Variants in PAAF1 observed in about 807,000 individuals in gnomAD.
The protein encoded by PAAF1 is proteasomal ATPase-associated factor 1.
In PAAF1, 46 loss-of-function variants were observed where a neutral mutation model predicts 52.8. The ratio of observed to expected loss-of-function variants is 0.87; its 90% CI spans 0.69 to 1.11. The LOEUF is 1.11. Ranked by LOEUF, PAAF1 falls within the 50% of genes most tolerant of loss-of-function variation. The pLI is 0.00. For synonymous variants in PAAF1, 178 were observed against 172.8 expected (o/e 1.03, Z -0.24); for missense variants, 424 against 477.4 (o/e 0.89, Z 1.04).
chr11:73,918,981 G>A lies in PAAF1; in HGVS notation c.967G>A (p.Ala323Thr), dbSNP rs1227279982. Residue 323 changes from alanine (A) to threonine (T), a missense_variant, in exon 10 of 12, where the codon GCA (alanine) becomes ACA (threonine). By Grantham distance (58) the Ala-to-Thr change is moderately conservative. Coordinates refer to ENST00000310571, the MANE Select transcript of PAAF1 (RefSeq NM_025155.3). ...GGTACAAGTCATCCACAGATCAGGAGCACCAGTTCTATCCCTGCTAAGTGT... is the reference window on the plus strand; with the variant it reads ...GGTACAAGTCATCCACAGATCAGGAACACCAGTTCTATCCCTGCTAAGTGT... ...APVQVIHRSG[A>T]PVLSLLSVRD... 2 of 1,613,974 alleles carry A rather than the reference G, an allele frequency of 1.2e-6. No individual in the cohort carries two copies. Among genetic ancestry groups the A allele is most frequent in the Admixed American group, 3.3e-5 (2 of 59,938 alleles).
intron 2 of PAAF1, chr11:73,887,005 G>C (rs990950073): frequency 2.2e-6 from 1 of 451,014 alleles, no homozygotes; most frequent in Non-Finnish European, 4.4e-6. Context: ...TGCATACACT[G>C]GCTCCCCTTC....
At chr11:73,892,325 CAAAAA>C (rs150332375) in intron 4 of PAAF1, among the ~76,000 whole-genome samples, 2 of 81,808 alleles carry the variant, frequency 2.4e-5, no homozygotes, top group Non-Finnish European at 2.6e-5. Flanking sequence ...ACTGTCTCAC[CAAAAA>C]AAAAAAAAAA....
chr11:73,893,693 C>T (rs993419664), intron 4 of PAAF1, among the ~76,000 whole-genome samples: 19 of 137,534 alleles, frequency 1.4e-4, no homozygotes, highest in African/African-American at 4.2e-4. Flanking sequence ...GCCAAGATTG[C>T]GCCATTGCAC....
At chr11:73,896,907 G>A (rs1327047546) in intron 4 of PAAF1, among the ~76,000 whole-genome samples, 2 of 150,786 alleles carry the variant, frequency 1.3e-5, no homozygotes, top group East Asian at 4.0e-4. Flanking sequence ...CCCGGACGGG[G>A]CGGCTGGCCG....
At chr11:73,914,534 C>T in intron 8 of PAAF1, 30 bp downstream of exon 8, 1 of 1,574,324 alleles carries the variant, frequency 6.4e-7, no homozygotes, top group South Asian at 1.1e-5. Context: ...CCTTTGAACT[C>T]TGAGGCAACC....
intron 7 of PAAF1, among the ~76,000 whole-genome samples, chr11:73,912,998 TC>T (rs1949973787): frequency 6.6e-6 from 1 of 152,196 alleles, no homozygotes; most frequent in Admixed American, 6.5e-5. Context: ...CGCCTCAGCC[TC>T]CCGAGTAACT....
chr11:73,916,547 G>T lies in PAAF1; in HGVS notation c.822G>T (p.Val274=). 6.2e-7 allele frequency: 1 copy of T among 1,608,220 alleles called. No homozygotes were observed. Among genetic ancestry groups the T allele is most frequent in the Non-Finnish European group, 8.5e-7 (1 of 1,176,260 alleles). The change falls in exon 9 of 12, where the codon GTG becomes GTT. Residue 274 remains valine, a splice_region_variant and synonymous_variant. Transcript: ENST00000310571. ...TTTTGCCTCCTACTTGTTCCCAGGT[G>T]TTCCTCTTTATTGGCTCAGACGCTT... The part of the protein sequence containing the change: ...QCLGLQSRQL[V]FLFIGSDAFN...
intron 4 of PAAF1, among the ~76,000 whole-genome samples, chr11:73,896,066 G>GC (rs955347508): frequency 1.3e-5 from 2 of 152,132 alleles, no homozygotes; most frequent in African/African-American, 2.4e-5. Context: ...TTGTAATCAT[G>GC]CCCCTGCACT....
At position 73,916,621 on chromosome 11, in the gene PAAF1, A is replaced by G; in HGVS notation, c.896A>G (p.Gln299Arg). 3 of 1,614,098 alleles carry G rather than the reference A, an allele frequency of 1.9e-6. No individual in the cohort carries two copies. The highest frequency in any genetic ancestry group is 2.2e-5 in the East Asian group (1 of 44,868). The stretch of plus-strand genomic sequence containing the variant: ...GGCTTCTTGCTATTGGCTGGGACTC[A>G]AGATGGAAACATTTATCAGCTGGAT... ...LSGFLLLAGT[Q>R]DGNIYQLDVR... is the part of the protein sequence containing the mutation. Residue 299 changes from glutamine (Q) to arginine (R), a missense_variant, in exon 9 of 12, where the codon CAA becomes CGA. Transcript: ENST00000310571.
At chr11:73,900,042 A>G (rs949839745) in intron 5 of PAAF1, among the ~76,000 whole-genome samples, 2 of 150,852 alleles carry the variant, frequency 1.3e-5, no homozygotes, top group East Asian at 3.9e-4. Context: ...GTGTTTTTAC[A>G]TGGAATTCAG....
At chr11:73,897,162 G>C (rs1484366044) in intron 4 of PAAF1, among the ~76,000 whole-genome samples, 2 of 143,216 alleles carry the variant, frequency 1.4e-5, no homozygotes, top group African/African-American at 5.2e-5. Context: ...CTCCCGGACG[G>C]GGCGGCTGGC....
intron 2 of PAAF1, 173 bp from the exon 3 acceptor site, chr11:73,887,181 C>T: frequency 5.6e-6 from 3 of 531,928 alleles, no homozygotes; most frequent in African/African-American, 1.9e-5. Context: ...GACTAAGACA[C>T]CTAATCTAAT....
chr11:73,901,546 C>T (rs1441866437), intron 6 of PAAF1, among the ~76,000 whole-genome samples: 3 of 151,896 alleles, frequency 2.0e-5, no homozygotes, highest in Non-Finnish European at 4.4e-5. Context: ...GGATTTTTAA[C>T]TCTGTGTTTT....
At chr11:73,907,220 C>G (rs1047481326) in intron 6 of PAAF1, among the ~76,000 whole-genome samples, 2 of 152,036 alleles carry the variant, frequency 1.3e-5, no homozygotes, top group Admixed American at 1.3e-4. Context: ...AATCGATAGG[C>G]ATTTTGGACA....
In PAAF1 at chr11:73,927,508, G is replaced by C; in HGVS notation, c.*146G>C. The C allele has an allele frequency of 1.5e-6, 1 of 679,406 alleles. No homozygotes were observed. Among genetic ancestry groups the C allele is most frequent in the South Asian group, 1.8e-5 (1 of 55,830 alleles). 42.1% of individuals were successfully genotyped at this position (679,406 alleles called of 1,614,324 possible). ...TCACAGAAAGTCAGCTGTACTGGCC[G>C]TGTGGAACTCTCATCCCAAGACCTA... On this transcript the variant is annotated 3_prime_UTR_variant, in exon 12 of 12. Transcript: ENST00000310571.
At chr11:73,908,401 G>GTGTGTATATATATATGTATATATATGTA (rs1565143969) in intron 6 of PAAF1, among the ~76,000 whole-genome samples, 5 of 146,556 alleles carry the variant, frequency 3.4e-5, no homozygotes, top group Non-Finnish European at 6.0e-5. Flanking sequence ...ATATATATGT[G>GTGTGTATATATATATGTATATATATGTA]TATATATATG....
At chr11:73,905,180 C>T (rs944223181) in intron 6 of PAAF1, among the ~76,000 whole-genome samples, 1 of 151,866 alleles carries the variant, frequency 6.6e-6, no homozygotes, top group Non-Finnish European at 1.5e-5. Flanking sequence ...TCTGGTAAGT[C>T]TTAGCTATGG....
At chr11:73,926,095 A>ATTTC (rs576419298) in intron 11 of PAAF1, among the ~76,000 whole-genome samples, 87 of 150,290 alleles carry the variant, frequency 5.8e-4, no homozygotes, top group Middle Eastern at 7.0e-3. Context: ...ATATAGATCT[A>ATTTC]TTTCTTTCTT....
chr11:73,898,188 C>G (rs866805881), intron 4 of PAAF1, among the ~76,000 whole-genome samples: 22 of 51,424 alleles, frequency 4.3e-4, no homozygotes, highest in Middle Eastern at 0.018. Context: ...AGAGGGAGAC[C>G]GTGGGGAGAG....
Sources: allele counts gnomAD v4.1 joint callset (sites outside exome capture counted in the v4.1 genomes callset), GRCh38; gene constraint gnomAD v4.1.1; transcripts MANE v1.5; gene names NCBI Gene and HGNC (gene_info 2026-07-23, HGNC 2026-07-21).